The following RPS6KC1 variants were observed in gnomAD, a reference collection of about 807,000 sequenced individuals.
RPS6KC1 encodes inactive ribosomal protein S6 kinase delta-1.
RPS6KC1 carries 54 observed loss-of-function variants against 103.8 expected under a neutral mutation model. That is an observed-to-expected ratio of 0.52 (90% CI 0.42 to 0.65). RPS6KC1 has a LOEUF of 0.65. RPS6KC1 is among the 30% of genes least tolerant of loss of function. RPS6KC1 has a pLI of 0.00. For missense variants in RPS6KC1, 1,151 were observed against 1,253.8 expected (o/e 0.92, Z 1.24); for synonymous variants, 439 against 438.7 (o/e 1.00, Z -0.01).
chr1:213,562,479 T>A, the RPS6KC1 span, among the ~76,000 whole-genome samples: 2 of 142,318 alleles, frequency 1.4e-5, no homozygotes, highest in African/African-American at 2.6e-5. Context: ...AAGCTCCGCC[T>A]CCCGGGTTCA....
At chr1:213,824,480 T>C in the RPS6KC1 span, among the ~76,000 whole-genome samples, 2 of 152,200 alleles carry the variant, frequency 1.3e-5, no homozygotes, top group Admixed American at 6.5e-5. Flanking sequence ...TCACATCGCC[T>C]GCACTGCTAA....
chr1:213,403,141 C>T, the RPS6KC1 span, among the ~76,000 whole-genome samples: 1 of 151,918 alleles, frequency 6.6e-6, no homozygotes, highest in East Asian at 1.9e-4. Flanking sequence ...AAAAAATACA[C>T]TTTTTAATTA....
At chr1:213,751,133 C>T in the RPS6KC1 span, among the ~76,000 whole-genome samples, 1 of 152,278 alleles carries the variant, frequency 6.6e-6, no homozygotes, top group Non-Finnish European at 1.5e-5. Flanking sequence ...GAATTTTCTA[C>T]ACAGACAATA....
chr1:213,318,265 C>T, the RPS6KC1 span, among the ~76,000 whole-genome samples: 3 of 152,258 alleles, frequency 2.0e-5, no homozygotes, highest in East Asian at 5.8e-4. Flanking sequence ...GCGTTTTCCT[C>T]TTCCTATGGA....
At chr1:213,664,099 G>T in the RPS6KC1 span, among the ~76,000 whole-genome samples, 2 of 150,606 alleles carry the variant, frequency 1.3e-5, no homozygotes, top group Non-Finnish European at 3.0e-5. Context: ...CCTGCACCCA[G>T]CTCCCTGCAG....
At chr1:213,809,453 C>G in the RPS6KC1 span, among the ~76,000 whole-genome samples, 7 of 152,108 alleles carry the variant, frequency 4.6e-5, no homozygotes, top group Non-Finnish European at 1.0e-4. Context: ...TGAGCTCATG[C>G]TGTTGGAAAA....
the RPS6KC1 span, among the ~76,000 whole-genome samples, chr1:213,540,912 T>G: frequency 6.6e-6 from 1 of 152,076 alleles, no homozygotes; most frequent in African/African-American, 2.4e-5. Flanking sequence ...AGAAATCCTT[T>G]CTTTGCTTAT....
chr1:213,285,324 C>T, the RPS6KC1 span, among the ~76,000 whole-genome samples: 1 of 133,024 alleles, frequency 7.5e-6, no homozygotes, highest in Admixed American at 8.1e-5. Context: ...CTGAAGGCCC[C>T]ATCTCCTAAT....
intron 1 of RPS6KC1, among the ~76,000 whole-genome samples, chr1:213,069,964 C>G (rs889751268): frequency 3.3e-5 from 5 of 152,110 alleles, no homozygotes; most frequent in African/African-American, 4.8e-5. Context: ...ACTTTTTGGC[C>G]TTTGTCATCA....
rs187643364 is a variant in RPS6KC1, at chr1:213,071,077, G to T, written c.141+36G>T. 57 of 1,320,128 alleles carry T rather than the reference G, an allele frequency of 4.3e-5. No individual in the cohort carries two copies. The East Asian group carries it at 1.4e-3, about 32-fold the overall frequency. The allele number at this position is 1,320,128 out of a possible 1,614,324, so 81.8% of individuals were successfully genotyped here. ...TATGAAGATTTTATTTTATGTATTT[G>T]ATAAAAATTTAACTAAATGCTTTTT... is the stretch of plus-strand genomic sequence containing the variant. On this transcript the variant is annotated intron_variant, in intron 2 of 14. Coordinates refer to ENST00000366960, the MANE Select transcript of RPS6KC1 (RefSeq NM_012424.6).
chr1:213,073,305 A>G (rs1315323658), intron 2 of RPS6KC1, among the ~76,000 whole-genome samples: 1 of 152,262 alleles, frequency 6.6e-6, no homozygotes, highest in African/African-American at 2.4e-5. Context: ...AACAAAATGT[A>G]GGGCTAGTAA....
the RPS6KC1 span, among the ~76,000 whole-genome samples, chr1:213,319,487 T>C: frequency 2.6e-5 from 4 of 152,288 alleles, no homozygotes; most frequent in Admixed American, 6.5e-5. Context: ...TGCGGTCAGC[T>C]CTCAGTTCAT....
At chr1:213,493,855 A>AAGGATTTTGAAGGGGAATAG in the RPS6KC1 span, among the ~76,000 whole-genome samples, 1 of 152,200 alleles carries the variant, frequency 6.6e-6, no homozygotes, top group Non-Finnish European at 1.5e-5. Context: ...TGTGCTGGAA[A>AAGGATTTTGAAGGGGAATAG]TCATGGCATG....
chr1:213,141,195 C>T (rs2086989754), intron 6 of RPS6KC1, among the ~76,000 whole-genome samples: 1 of 152,094 alleles, frequency 6.6e-6, no homozygotes, highest in African/African-American at 2.4e-5. Context: ...CCATGCTTGG[C>T]CATCCCCTCT....
At position 213,261,653 on chromosome 1, in the gene RPS6KC1, C is replaced by T. The variant is rs757515556; in HGVS notation, c.2994+13C>T. On this transcript the variant is annotated intron_variant, in intron 13 of 14. Coordinates refer to ENST00000366960, the MANE Select transcript of RPS6KC1 (RefSeq NM_012424.6). Reference sequence around the variant, plus strand: ...TCTCACTGGCAAGGTAAGCAGTGGCCTGGACGTTTAATAAATTTACTCAGA... The same window carrying T: ...TCTCACTGGCAAGGTAAGCAGTGGCTTGGACGTTTAATAAATTTACTCAGA... 11 of 1,606,470 alleles carry T rather than the reference C, an allele frequency of 6.8e-6. No individual in the cohort carries two copies. The Admixed American group carries it at 1.5e-4, about 22-fold the overall frequency.
chr1:213,591,189 C>T, the RPS6KC1 span, among the ~76,000 whole-genome samples: 1 of 152,178 alleles, frequency 6.6e-6, no homozygotes, highest in Non-Finnish European at 1.5e-5. Flanking sequence ...GAGAGATGCC[C>T]AAGCACATCA....
chr1:213,733,500 G>A, the RPS6KC1 span, among the ~76,000 whole-genome samples: 48 of 149,718 alleles, frequency 3.2e-4, no homozygotes, highest in African/African-American at 1.2e-3. Context: ...GCCTCCCAAA[G>A]TGATGGGATT....
the RPS6KC1 span, among the ~76,000 whole-genome samples, chr1:213,505,475 T>A: frequency 8.5e-5 from 13 of 152,348 alleles, no homozygotes; most frequent in Non-Finnish European, 1.9e-4. Flanking sequence ...TTAATCTCTC[T>A]GTGCCTCTGT....
At chr1:213,324,303 C>T in the RPS6KC1 span, among the ~76,000 whole-genome samples, 27 of 152,140 alleles carry the variant, frequency 1.8e-4, no homozygotes, top group African/African-American at 6.5e-4. Flanking sequence ...TGGGGCCAGT[C>T]AGAAGATTGC....
Sources: gnomAD v4.1 joint callset for allele counts (sites outside exome capture counted in the v4.1 genomes callset) on GRCh38, gnomAD v4.1.1 for gene constraint, MANE v1.5 for transcripts, NCBI Gene and HGNC (gene_info 2026-07-23, HGNC 2026-07-21) for gene names.